The following MAP2K5 variants were observed in gnomAD, a reference collection of about 807,000 sequenced individuals.
The protein encoded by MAP2K5 is mitogen-activated protein kinase kinase 5.
MAP2K5 carries 49 observed loss-of-function variants against 83.1 expected under a neutral mutation model. That is an observed-to-expected ratio of 0.59 (90% CI 0.47 to 0.75). The LOEUF is 0.75. MAP2K5 is among the 30% of genes least tolerant of loss of function. The pLI is 0.00. For synonymous variants in MAP2K5, 202 were observed against 191.8 expected (o/e 1.05, Z -0.44); for missense variants, 457 against 557.5 (o/e 0.82, Z 1.82).
intron 8 of MAP2K5, among the ~76,000 whole-genome samples, chr15:67,602,450 A>G (rs886181941): frequency 6.6e-6 from 1 of 152,172 alleles, no homozygotes; most frequent in African/African-American, 2.4e-5. Context: ...AAAAATGTTT[A>G]TTTAGACTCC....
rs1457463867 is a variant in MAP2K5 at position 67,802,101 on chromosome 15, C to A, written c.1243-4545C>A. Among the ~76,000 whole-genome samples, 2 of 152,154 alleles carry A rather than the reference C, an allele frequency of 1.3e-5. No individual in the cohort carries two copies. Among genetic ancestry groups the A allele is most frequent in the Non-Finnish European group, 2.9e-5 (2 of 68,020 alleles). Reference sequence around the variant, plus strand: ...CACCAAGCCCTGCCCCCTGCCTCCACGTGGGAGGGGCCCGGGAGTGTCCTG... The same window carrying A: ...CACCAAGCCCTGCCCCCTGCCTCCAAGTGGGAGGGGCCCGGGAGTGTCCTG... On this transcript the variant is annotated intron_variant, in intron 21 of 21. Coordinates refer to ENST00000178640, the MANE Select transcript of MAP2K5 (RefSeq NM_145160.3). The surrounding 1 kb of genome is among the most constrained non-coding windows in gnomAD (Gnocchi z 5.0).
At chr15:67,763,030 T>C (rs747665486) in intron 19 of MAP2K5, among the ~76,000 whole-genome samples, 1 of 152,132 alleles carries the variant, frequency 6.6e-6, no homozygotes, top group Non-Finnish European at 1.5e-5. Flanking sequence ...AGTGTGGAAA[T>C]TGAATCATCT....
chr15:67,722,829 G>A lies in MAP2K5; in HGVS notation c.1045-5087G>A, dbSNP rs2088995266. ...AAAATCCTTAGATGGAAATTTAATT[G>A]TGTAAAATGTACACAAGGTAATTAA... On this transcript the variant is annotated intron_variant, in intron 16 of 21. Transcript: ENST00000178640. The surrounding 1 kb of genome is among the most constrained non-coding windows in gnomAD (Gnocchi z 4.2). Among the ~76,000 whole-genome samples, 1 of 152,172 alleles carries A rather than the reference G, an allele frequency of 6.6e-6. No individual in the cohort carries two copies. Among genetic ancestry groups the A allele is most frequent in the African/African-American group, 2.4e-5 (1 of 41,448 alleles).
At chr15:67,544,100 A>T (rs898697525) in intron 1 of MAP2K5, among the ~76,000 whole-genome samples, 1 of 152,192 alleles carries the variant, frequency 6.6e-6, no homozygotes. Flanking sequence ...AGGTATTGCC[A>T]TGTTGCCCAG....
At chr15:67,689,094 T>C in intron 13 of MAP2K5, among the ~76,000 whole-genome samples, 1 of 152,168 alleles carries the variant, frequency 6.6e-6, no homozygotes, top group East Asian at 1.9e-4. Context: ...ACTCTTAGTA[T>C]AAAATGTCGT....
intron 16 of MAP2K5, among the ~76,000 whole-genome samples, chr15:67,704,565 A>G (rs998424710): frequency 6.6e-6 from 1 of 152,238 alleles, no homozygotes; most frequent in South Asian, 2.1e-4. Flanking sequence ...TCACCTGCAC[A>G]GTAGAAAGAA....
At chr15:67,689,517 A>G (rs1438463731) in intron 13 of MAP2K5, among the ~76,000 whole-genome samples, 1 of 152,182 alleles carries the variant, frequency 6.6e-6, no homozygotes, top group Non-Finnish European at 1.5e-5. Context: ...TGATTAAAAC[A>G]GTCTTGTTGG....
Position 67,770,452 on chromosome 15 carries a change from T to C in MAP2K5, c.1196+789T>C, listed in dbSNP as rs75202691. On this transcript the variant is annotated intron_variant, in intron 20 of 21. Coordinates refer to ENST00000178640, the MANE Select transcript of MAP2K5 (RefSeq NM_145160.3). The surrounding 1 kb of genome is among the most constrained non-coding windows in gnomAD (Gnocchi z 5.0). ...TCTCCCTCACTCCAGCACAGAGAAT[T>C]ACCTAGGAGAGAGGAGGAATTCAGG... Among the ~76,000 whole-genome samples, 29 of 152,264 alleles carry C rather than the reference T, an allele frequency of 1.9e-4. No homozygotes were observed. In the East Asian group the frequency reaches 5.6e-3, roughly 29 times the overall value.
At position 67,720,026 on chromosome 15, in the gene MAP2K5, A is replaced by G. The variant is rs1596852131; in HGVS notation, c.1045-7890A>G. On this transcript the variant is annotated intron_variant, in intron 16 of 21. Transcript: ENST00000178640. The surrounding 1 kb of genome is among the most constrained non-coding windows in gnomAD (Gnocchi z 5.7). The stretch of plus-strand genomic sequence containing the variant: ...AGTAGAGCTGTTGATGGAAATCAAC[A>G]TGGAACGGTTAAAGTGTCTGTAAAG... Among the ~76,000 whole-genome samples the G allele has an allele frequency of 1.3e-5, 2 of 152,184 alleles. No homozygotes were observed. Among genetic ancestry groups the G allele is most frequent in the South Asian group, 4.1e-4 (2 of 4,834 alleles).
At chr15:67,730,603 CA>C (rs2089198336) in intron 17 of MAP2K5, among the ~76,000 whole-genome samples, 1 of 152,226 alleles carries the variant, frequency 6.6e-6, no homozygotes, top group African/African-American at 2.4e-5. Context: ...AGGGTCAAAG[CA>C]GTGTTCTATT....
chr15:67,766,728 G>A (rs1445928395), intron 19 of MAP2K5, among the ~76,000 whole-genome samples: 1 of 152,172 alleles, frequency 6.6e-6, no homozygotes. Flanking sequence ...AAAGAGAAAA[G>A]TGTACTGTCA....
At chr15:67,560,174 A>G (rs1309580501) in intron 2 of MAP2K5, among the ~76,000 whole-genome samples, 1 of 152,206 alleles carries the variant, frequency 6.6e-6, no homozygotes. Context: ...GTAGCTGTCA[A>G]TTCACTGTCT....
chr15:67,649,789 C>G (rs1385352979), intron 11 of MAP2K5, among the ~76,000 whole-genome samples: 1 of 152,108 alleles, frequency 6.6e-6, no homozygotes, highest in Non-Finnish European at 1.5e-5. Context: ...TGTAAGTGCT[C>G]CAACTTTGTT....
Position 67,720,040 on chromosome 15 carries a change from G to T in MAP2K5, c.1045-7876G>T, listed in dbSNP as rs2088916601. Among the ~76,000 whole-genome samples the T allele has an allele frequency of 6.6e-6, 1 of 152,152 alleles. No individual in the cohort carries two copies. The highest frequency in any genetic ancestry group is 2.1e-4 in the South Asian group (1 of 4,828). On this transcript the variant is annotated intron_variant, in intron 16 of 21. Transcript: ENST00000178640. The surrounding 1 kb of genome is among the most constrained non-coding windows in gnomAD (Gnocchi z 5.7). Reference sequence around the variant, plus strand: ...TGGAAATCAACATGGAACGGTTAAAGTGTCTGTAAAGCTACAAAAGTGGGC... The same window carrying T: ...TGGAAATCAACATGGAACGGTTAAATTGTCTGTAAAGCTACAAAAGTGGGC...
At position 67,778,862 on chromosome 15, in the gene MAP2K5, C is replaced by T. The variant is rs939765777; in HGVS notation, c.1242+6110C>T. 9.2e-5 allele frequency among the ~76,000 whole-genome samples: 14 copies of T among 152,280 alleles called. No homozygotes were observed. Among genetic ancestry groups the T allele is most frequent in the African/African-American group, 2.9e-4 (12 of 41,550 alleles). ...TTCCATAGCCCCCTTAGAGAGTGCT[C>T]ATCCACCCTGTGCTTGCAAAAATCT... On this transcript the variant is annotated intron_variant, in intron 21 of 21. Coordinates refer to ENST00000178640, the MANE Select transcript of MAP2K5 (RefSeq NM_145160.3). This position sits in a 1 kb window ranked among gnomAD's most constrained non-coding sequence, Gnocchi z 5.0.
chr15:67,695,380 G>T (rs1240343590), intron 15 of MAP2K5, among the ~76,000 whole-genome samples: 1 of 152,058 alleles, frequency 6.6e-6, no homozygotes, highest in African/African-American at 2.4e-5. Context: ...TACCAGAATA[G>T]CTCATTTTTG....
chr15:67,635,903 AT>A (rs1306327316), intron 9 of MAP2K5, among the ~76,000 whole-genome samples: 5 of 152,088 alleles, frequency 3.3e-5, no homozygotes. Flanking sequence ...TATCACTGGT[AT>A]TGAGCTGGTG....
Position 67,623,450 on chromosome 15 carries a change from GC to G in MAP2K5, c.546-7436del, listed in dbSNP as rs1281264131. Among the ~76,000 whole-genome samples the G allele has an allele frequency of 4.6e-5, 7 of 152,078 alleles. No homozygotes were observed. The East Asian group carries it at 1.4e-3, about 29-fold the overall frequency. On this transcript the variant is annotated intron_variant, in intron 8 of 21. Coordinates refer to ENST00000178640, the MANE Select transcript of MAP2K5 (RefSeq NM_145160.3). ...AATAAATGATATATTGCAAACTTTT[GC>G]CAGTTCTTTGTTGTTAAAGCTTTAT...
At chr15:67,549,073 T>TG in intron 1 of MAP2K5, 1 of 1,528,638 alleles carries the variant, frequency 6.5e-7, no homozygotes, top group Non-Finnish European at 8.7e-7. Flanking sequence ...TGCGAGCGGC[T>TG]TTGTCAGCCG....
Sources: allele counts gnomAD v4.1 joint callset (sites outside exome capture counted in the v4.1 genomes callset), GRCh38; gene constraint gnomAD v4.1.1; non-coding constraint Gnocchi (gnomAD v3.1); transcripts MANE v1.5; gene names NCBI Gene and HGNC (gene_info 2026-07-23, HGNC 2026-07-21).